ATRNL1: variants seen among roughly 807,000 people sequenced by gnomAD.
The protein encoded by ATRNL1 is attractin like 1.
ATRNL1 carries 95 observed loss-of-function variants against 182.7 expected under a neutral mutation model. The observed-to-expected ratio is 0.52, with a 90% CI of 0.44 to 0.62. The LOEUF (loss-of-function observed/expected upper bound fraction) is 0.62. ATRNL1 is among the 20% of genes least tolerant of loss of function. The pLI is 0.00. For synonymous variants in ATRNL1, 576 were observed against 568.3 expected (o/e 1.01, Z -0.19); for missense variants, 1,471 against 1,679.5 (o/e 0.88, Z 2.17).
chr10:115,129,569 T>A, intron 5 of ATRNL1, 34 bp downstream of exon 5: 1 of 1,549,606 alleles, frequency 6.5e-7, no homozygotes, highest in Non-Finnish European at 8.9e-7. Flanking sequence ...TTTTGAAACA[T>A]TGATTCATAT....
At chr10:115,932,258 T>G (rs1465176651) in intron 28 of ATRNL1, among the ~76,000 whole-genome samples, 5 of 152,318 alleles carry the variant, frequency 3.3e-5, no homozygotes, top group Non-Finnish European at 7.3e-5. Flanking sequence ...CTGTTTTGAA[T>G]TACTGGAGAG....
chr10:115,837,302 C>T (rs77345954), intron 27 of ATRNL1, among the ~76,000 whole-genome samples: 10,558 of 152,104 alleles, frequency 0.069, 484 homozygotes, highest in Middle Eastern at 0.099. Flanking sequence ...AGTTCCATAA[C>T]TTTGATTCCT....
intron 26 of ATRNL1, among the ~76,000 whole-genome samples, chr10:115,587,748 C>CT (rs141292229): frequency 0.3 from 45,360 of 151,926 alleles, 7,871 homozygotes; most frequent in East Asian, 0.68. Flanking sequence ...AGCTGTAGAC[C>CT]AGAGCTGTTC....
chr10:115,292,415 T>C (rs1425896721), intron 15 of ATRNL1, among the ~76,000 whole-genome samples: 1 of 151,882 alleles, frequency 6.6e-6, no homozygotes, highest in African/African-American at 2.4e-5. Context: ...ATTTTTTTTT[T>C]CTTACTTTGC....
At chr10:115,307,013 G>A (rs781820235) in intron 17 of ATRNL1, among the ~76,000 whole-genome samples, 2 of 152,102 alleles carry the variant, frequency 1.3e-5, no homozygotes, top group Non-Finnish European at 2.9e-5. Flanking sequence ...CAGGTCTTCA[G>A]GTCTGCCATT....
intron 26 of ATRNL1, among the ~76,000 whole-genome samples, chr10:115,634,811 T>G (rs1236899091): frequency 6.6e-6 from 1 of 152,178 alleles, no homozygotes; most frequent in Admixed American, 6.5e-5. Context: ...AGTGTCTAGA[T>G]GTGCCGGCAA....
At chr10:115,895,757 A>G (rs1952190731) in intron 28 of ATRNL1, among the ~76,000 whole-genome samples, 1 of 152,222 alleles carries the variant, frequency 6.6e-6, no homozygotes, top group African/African-American at 2.4e-5. Flanking sequence ...CTCTTACTCA[A>G]AGAGGGAACA....
intron 15 of ATRNL1, among the ~76,000 whole-genome samples, chr10:115,288,043 A>G (rs1368150276): frequency 1.3e-5 from 2 of 150,038 alleles, no homozygotes; most frequent in Non-Finnish European, 2.9e-5. Flanking sequence ...CCATGTTGCC[A>G]TGAATGACAG....
chr10:115,611,701 A>G (rs1857166790), intron 26 of ATRNL1, among the ~76,000 whole-genome samples: 1 of 152,148 alleles, frequency 6.6e-6, no homozygotes, highest in South Asian at 2.1e-4. Flanking sequence ...ATAAAAGTTT[A>G]TTAATATTAA....
intron 1 of ATRNL1, among the ~76,000 whole-genome samples, chr10:115,116,525 G>T (rs1592121450): frequency 6.6e-6 from 1 of 152,070 alleles, no homozygotes; most frequent in Non-Finnish European, 1.5e-5. Context: ...TAGAAGAACA[G>T]TTCTAGACTG....
chr10:115,409,074 AATTTT>A (rs1307349859), intron 20 of ATRNL1, among the ~76,000 whole-genome samples: 2 of 152,104 alleles, frequency 1.3e-5, no homozygotes, highest in Non-Finnish European at 2.9e-5. Flanking sequence ...GTTCTATACA[AATTTT>A]ATTTTATTAC....
chr10:115,502,380 T>G (rs1230654113), intron 24 of ATRNL1, among the ~76,000 whole-genome samples: 1 of 152,116 alleles, frequency 6.6e-6, no homozygotes, highest in African/African-American at 2.4e-5. Flanking sequence ...ATCAAAGGTT[T>G]AAAACACTTG....
At chr10:115,829,413 A>G (rs1950509617) in intron 27 of ATRNL1, among the ~76,000 whole-genome samples, 1 of 151,982 alleles carries the variant, frequency 6.6e-6, no homozygotes, top group Admixed American at 6.6e-5. Context: ...CTTTTTAGGA[A>G]GGTTAATTCT....
chr10:115,503,155 A>G (rs186400374), intron 24 of ATRNL1, among the ~76,000 whole-genome samples: 11 of 152,312 alleles, frequency 7.2e-5, no homozygotes, highest in Admixed American at 3.9e-4. Context: ...CACATGAAGA[A>G]GGATACACAT....
chr10:115,267,785 AT>A (rs1272952110), intron 12 of ATRNL1, among the ~76,000 whole-genome samples: 13 of 151,988 alleles, frequency 8.6e-5, no homozygotes, highest in Admixed American at 7.2e-4. Flanking sequence ...ATTTTAGTTT[AT>A]TTTTTGAGAC....
intron 26 of ATRNL1, among the ~76,000 whole-genome samples, chr10:115,581,054 G>C (rs1555007163): frequency 6.6e-6 from 1 of 151,916 alleles, no homozygotes; most frequent in Non-Finnish European, 1.5e-5. Flanking sequence ...GATTTATCTT[G>C]GTTTTTTATT....
intron 28 of ATRNL1, among the ~76,000 whole-genome samples, chr10:115,912,612 T>G (rs1269848703): frequency 6.6e-6 from 1 of 151,854 alleles, no homozygotes; most frequent in Non-Finnish European, 1.5e-5. Flanking sequence ...AGAAATTTGG[T>G]CAAATACTCA....
intron 26 of ATRNL1, among the ~76,000 whole-genome samples, chr10:115,668,591 G>A (rs1861134709): frequency 6.6e-6 from 1 of 152,072 alleles, no homozygotes; most frequent in South Asian, 2.1e-4. Flanking sequence ...GCAACCTCCA[G>A]TGACCAGACC....
At chr10:115,216,779 A>C (rs782604622) in intron 9 of ATRNL1, among the ~76,000 whole-genome samples, 1 of 151,976 alleles carries the variant, frequency 6.6e-6, no homozygotes, top group Non-Finnish European at 1.5e-5. Context: ...CCATCAAATC[A>C]TGATTTGTTC....
Sources: gnomAD v4.1 joint callset for allele counts (sites outside exome capture counted in the v4.1 genomes callset) on GRCh38, gnomAD v4.1.1 for gene constraint, MANE v1.5 for transcripts, NCBI Gene and HGNC (gene_info 2026-07-23, HGNC 2026-07-21) for gene names.